The following CCSER2 variants were observed in gnomAD, a reference collection of about 807,000 sequenced individuals.
CCSER2 encodes serine-rich coiled-coil domain-containing protein 2.
Under a neutral mutation model 92.3 loss-of-function variants are expected in CCSER2, and 46 were observed. The observed-to-expected ratio is 0.50, with a 90% CI of 0.39 to 0.64. CCSER2 has a LOEUF of 0.64. Ranked by LOEUF, CCSER2 falls within the 30% of genes least tolerant of loss-of-function variation. The pLI is 0.00. For synonymous variants in CCSER2, 433 were observed against 431.4 expected (o/e 1.00, Z -0.04); for missense variants, 1,244 against 1,238.9 (o/e 1.00, Z -0.06).
At chr10:84,390,166 A>G (rs964005899) in intron 3 of CCSER2, among the ~76,000 whole-genome samples, 6 of 152,096 alleles carry the variant, frequency 3.9e-5, no homozygotes, top group Admixed American at 6.5e-5. Context: ...AACTAATACC[A>G]CCAATTCCAT....
chr10:84,332,264 T>A (rs1291699523), intron 1 of CCSER2, among the ~76,000 whole-genome samples: 1 of 151,528 alleles, frequency 6.6e-6, no homozygotes, highest in Non-Finnish European at 1.5e-5. Flanking sequence ...TCTCCTTTAT[T>A]TGTCCATCGT....
At chr10:84,506,510 C>T (rs1423098256) in intron 9 of CCSER2, among the ~76,000 whole-genome samples, 1 of 152,104 alleles carries the variant, frequency 6.6e-6, no homozygotes, top group Non-Finnish European at 1.5e-5. Flanking sequence ...AATAATTAAA[C>T]TGGCCGGGCG....
At chr10:84,385,052 C>CCAGGAATACATTTA (rs1841122844) in intron 3 of CCSER2, among the ~76,000 whole-genome samples, 1 of 147,866 alleles carries the variant, frequency 6.8e-6, no homozygotes, top group African/African-American at 2.5e-5. Flanking sequence ...TACATTTAAC[C>CCAGGAATACATTTA]AAGGAGGTGA....
At chr10:84,490,076 C>T (rs1467798770) in intron 9 of CCSER2, among the ~76,000 whole-genome samples, 1 of 152,202 alleles carries the variant, frequency 6.6e-6, no homozygotes, top group East Asian at 1.9e-4. Context: ...CCCCCACTCT[C>T]TTCTGGCTTG....
At chr10:84,441,900 G>A (rs1205892725) in intron 6 of CCSER2, among the ~76,000 whole-genome samples, 2 of 151,768 alleles carry the variant, frequency 1.3e-5, no homozygotes, top group Non-Finnish European at 2.9e-5. Flanking sequence ...GGGACTACAG[G>A]CGCCCACCAC....
chr10:84,370,258 A>G (rs1845993405), intron 1 of CCSER2, among the ~76,000 whole-genome samples: 1 of 152,178 alleles, frequency 6.6e-6, no homozygotes, highest in Admixed American at 6.5e-5. Context: ...CCTCTAATGC[A>G]TGAGTGTGGG....
At chr10:84,448,634 C>T (rs1055835111) in intron 6 of CCSER2, among the ~76,000 whole-genome samples, 4 of 152,140 alleles carry the variant, frequency 2.6e-5, no homozygotes, top group African/African-American at 9.7e-5. Flanking sequence ...TTTAAGTGTA[C>T]AGTTTGTTTT....
At chr10:84,504,736 G>A (rs1848955032) in intron 9 of CCSER2, among the ~76,000 whole-genome samples, 1 of 152,136 alleles carries the variant, frequency 6.6e-6, no homozygotes, top group South Asian at 2.1e-4. Flanking sequence ...GTGTTTTAAT[G>A]TCTTAAGTAC....
chr10:84,432,872 T>C (rs1843866306), intron 5 of CCSER2, among the ~76,000 whole-genome samples: 2 of 152,242 alleles, frequency 1.3e-5, no homozygotes, highest in Non-Finnish European at 2.9e-5. Flanking sequence ...TTTAGGCCTT[T>C]GATCCATTTT....
intron 3 of CCSER2, among the ~76,000 whole-genome samples, chr10:84,393,187 G>A (rs1198658716): frequency 3.3e-5 from 5 of 152,078 alleles, no homozygotes; most frequent in Non-Finnish European, 7.4e-5. Context: ...GATCTGTTAG[G>A]AATAAGATTG....
At chr10:84,412,290 T>A (rs1331011352) in intron 3 of CCSER2, among the ~76,000 whole-genome samples, 1 of 152,180 alleles carries the variant, frequency 6.6e-6, no homozygotes, top group Non-Finnish European at 1.5e-5. Context: ...GGTATCAGGA[T>A]GATGGTGACC....
At chr10:84,454,724 A>G (rs1177596961) in intron 6 of CCSER2, 1 of 172,758 alleles carries the variant, frequency 5.8e-6, no homozygotes, top group African/African-American at 2.4e-5. Context: ...GATTACACCC[A>G]GGCTCTATTA....
intron 5 of CCSER2, among the ~76,000 whole-genome samples, chr10:84,428,985 G>GTGTATATATATATA (rs367824329): frequency 2.1e-5 from 3 of 140,848 alleles, no homozygotes; most frequent in Non-Finnish European, 3.0e-5. Flanking sequence ...GTGTGTATGT[G>GTGTATATATATATA]TATATATATA....
intron 6 of CCSER2, among the ~76,000 whole-genome samples, chr10:84,453,369 G>C (rs1424974977): frequency 1.3e-5 from 2 of 152,146 alleles, no homozygotes; most frequent in Non-Finnish European, 2.9e-5. Flanking sequence ...TTTTGGGCAA[G>C]ACACAAAATT....
chr10:84,462,718 A>G (rs765357024), intron 6 of CCSER2, among the ~76,000 whole-genome samples: 34 of 152,192 alleles, frequency 2.2e-4, no homozygotes, highest in Non-Finnish European at 4.0e-4. Flanking sequence ...TTGACTGTCA[A>G]TCAGCATTAC....
intron 6 of CCSER2, among the ~76,000 whole-genome samples, chr10:84,444,294 A>T (rs1343813688): frequency 2.0e-5 from 3 of 152,124 alleles, no homozygotes; most frequent in African/African-American, 7.2e-5. Flanking sequence ...CCAAATTGTT[A>T]TTTTTTTAAA....
At chr10:84,400,566 C>T (rs1322080694) in intron 3 of CCSER2, among the ~76,000 whole-genome samples, 1 of 152,146 alleles carries the variant, frequency 6.6e-6, no homozygotes, top group African/African-American at 2.4e-5. Flanking sequence ...AGGTAATGAT[C>T]TGACTTCATT....
chr10:84,457,995 C>G (rs911661686), intron 6 of CCSER2, among the ~76,000 whole-genome samples: 8 of 151,932 alleles, frequency 5.3e-5, no homozygotes, highest in African/African-American at 1.9e-4. Flanking sequence ...GATCCGCCTG[C>G]TTCGGCCTCC....
chr10:84,363,823 C>T (rs755853108), intron 1 of CCSER2, among the ~76,000 whole-genome samples: 3 of 152,120 alleles, frequency 2.0e-5, no homozygotes, highest in East Asian at 1.9e-4. Flanking sequence ...CATCGCTTAA[C>T]GAAGGGGATC....
Sources: allele counts gnomAD v4.1 joint callset (sites outside exome capture counted in the v4.1 genomes callset), GRCh38; gene constraint gnomAD v4.1.1; transcripts MANE v1.5; gene names NCBI Gene and HGNC (gene_info 2026-07-23, HGNC 2026-07-21).